The following SAP30L variants were observed in gnomAD, a reference collection of about 807,000 sequenced individuals.
The protein encoded by SAP30L is SAP30 like, also known as histone deacetylase complex subunit SAP30L.
Under a neutral mutation model 22.3 loss-of-function variants are expected in SAP30L, and 10 were observed. The ratio of observed to expected loss-of-function variants is 0.45; its 90% CI spans 0.28 to 0.76. The LOEUF (loss-of-function observed/expected upper bound fraction) is 0.76. SAP30L is among the 30% of genes least tolerant of loss of function. The pLI, the probability that SAP30L is intolerant of heterozygous loss-of-function variation, is 0.14. For synonymous variants in SAP30L, 91 were observed against 94.1 expected (o/e 0.97, Z 0.19); for missense variants, 206 against 237.9 (o/e 0.87, Z 0.88).
chr5:154,453,324 G>C (rs780661351), intron 2 of SAP30L, 78 bp from the exon 3 acceptor site: 3 of 971,976 alleles, frequency 3.1e-6, no homozygotes, highest in Non-Finnish European at 4.9e-6. Flanking sequence ...CCTTAGTGTA[G>C]TGCTAGGCAC....
intron 1 of SAP30L, among the ~76,000 whole-genome samples, chr5:154,447,195 A>AG (rs1229935249): frequency 6.6e-6 from 1 of 152,230 alleles, no homozygotes; most frequent in Non-Finnish European, 1.5e-5. Flanking sequence ...TCCTTCTAGG[A>AG]ACCCTGTTAT....
At chr5:154,448,460 A>G (rs151065960) in intron 1 of SAP30L, among the ~76,000 whole-genome samples, 3 of 152,382 alleles carry the variant, frequency 2.0e-5, no homozygotes, top group East Asian at 3.9e-4. Flanking sequence ...ACAAGGGTCT[A>G]GACACCAAGG....
intron 1 of SAP30L, among the ~76,000 whole-genome samples, chr5:154,449,324 T>TG (rs139406111): frequency 0.017 from 2,513 of 152,042 alleles, 86 homozygotes; most frequent in African/African-American, 0.057. Context: ...AGACATGTAC[T>TG]GGGGGGGCAG....
Position 154,446,698 on chromosome 5 carries a change from A to G in SAP30L, c.94A>G (p.Ile32Val), listed in dbSNP as rs767058254. 1.0e-5 allele frequency: 16 copies of G among 1,594,138 alleles called. No homozygotes were observed. The highest frequency in any genetic ancestry group is 2.2e-5 in the South Asian group (2 of 89,350). ...APGYGQSCCL[I>V]EDGERCVRPA... ...GGGCTACGGCCAGAGCTGCTGCCTC[A>G]TCGAGGACGGCGAGCGCTGCGTCCG... Residue 32 changes from isoleucine (I) to valine (V), a missense_variant, in exon 1 of 4, where the codon ATC becomes GTC. Ile to Val is a conservative substitution (Grantham distance 29, BLOSUM62 3). Transcript: ENST00000297109.
chr5:154,456,812 G>A lies in SAP30L; in HGVS notation c.*784G>A, dbSNP rs932702927. ...ATATAGAGACCCTCACAGAAGATAC[G>A]GTCCCTTATGCACCCCACTATGCTT... On this transcript the variant is annotated 3_prime_UTR_variant, in exon 4 of 4. Transcript: ENST00000297109. 4 of 152,202 alleles carry A rather than the reference G, an allele frequency of 2.6e-5. No homozygotes were observed. The highest frequency in any genetic ancestry group is 7.2e-5 in the African/African-American group (3 of 41,464). The allele number at this position is 152,202 out of a possible 1,614,324, so 9.4% of individuals were successfully genotyped here. A position where few individuals can be genotyped will look rare whatever the true frequency, so the allele number is the denominator to read the frequency against.
rs2113286852 is a variant in SAP30L at position 154,459,031 on chromosome 5, G to A, written c.*3003G>A. ...CAGCTGCAGTGTTGCATCTAATTTT[G>A]GTGTTTAGGCTTTTTATTTTGTGGG... On this transcript the variant is annotated 3_prime_UTR_variant, in exon 4 of 4. Transcript: ENST00000297109. 6.6e-6 allele frequency: 1 copy of A among 152,302 alleles called. No homozygotes were observed. Among genetic ancestry groups the A allele is most frequent in the Middle Eastern group, 3.4e-3 (1 of 294 alleles). The allele number at this position is 152,302 out of a possible 1,614,324, so 9.4% of individuals were successfully genotyped here.
At chr5:154,449,595 T>A (rs529476204) in intron 1 of SAP30L, among the ~76,000 whole-genome samples, 1 of 152,364 alleles carries the variant, frequency 6.6e-6, no homozygotes, top group Non-Finnish European at 1.5e-5. Context: ...CCAGTCTAGC[T>A]AACATGGAGG....
intron 2 of SAP30L, chr5:154,453,155 C>T (rs1757187366): frequency 9.6e-6 from 4 of 415,208 alleles, no homozygotes; most frequent in Middle Eastern, 6.5e-4. Context: ...CCCTGCTCCT[C>T]CTTAGCTTAA....
In SAP30L at chr5:154,451,091, G is replaced by T; in HGVS notation, c.202G>T (p.Val68Leu). The T allele has an allele frequency of 6.2e-7, 1 of 1,613,980 alleles. No individual in the cohort carries two copies. The highest frequency in any genetic ancestry group is 8.5e-7 in the Non-Finnish European group (1 of 1,179,970). ...TGACTTTGATTTTTGTCTCCATCAG[G>T]TAAGGCACCTATATATCTGTGATTT... is the stretch of plus-strand genomic sequence containing the variant. The part of the protein sequence containing the change: ...KKLKLDIDKS[V>L]RHLYICDFHK... The change falls in exon 2 of 4, where the codon GTA becomes TTA. Residue 68 changes from valine (V) to leucine (L), a missense_variant and splice_region_variant. Physicochemically the swap from Val to Leu is conservative, Grantham distance 32 (BLOSUM62 1). Transcript: ENST00000297109.
At position 154,457,046 on chromosome 5, in the gene SAP30L, CCTGGGCT is replaced by C. The variant is rs1757277807; in HGVS notation, c.*1023_*1029del. ...TTGAAAGTCTGGCTGGCCTTGACTC[CCTGGGCT>C]CTGGTCATCAGCAAATCATGAGTTT... On this transcript the variant is annotated 3_prime_UTR_variant, in exon 4 of 4. Coordinates refer to ENST00000297109, the MANE Select transcript of SAP30L (RefSeq NM_024632.6). 3 of 152,208 alleles carry C rather than the reference CCTGGGCT, an allele frequency of 2.0e-5. No homozygotes were observed. The allele number at this position is 152,208 out of a possible 1,614,324, so 9.4% of individuals were successfully genotyped here. A position where few individuals can be genotyped will look rare whatever the true frequency, so the allele number is the denominator to read the frequency against.
intron 1 of SAP30L, among the ~76,000 whole-genome samples, chr5:154,449,518 A>G (rs965569562): frequency 3.7e-4 from 57 of 152,206 alleles, no homozygotes; most frequent in Admixed American, 3.3e-4. Context: ...GAAGCCACCT[A>G]TTCTCCCTGT....
At chr5:154,448,384 G>A (rs1251842238) in intron 1 of SAP30L, among the ~76,000 whole-genome samples, 1 of 152,224 alleles carries the variant, frequency 6.6e-6, no homozygotes, top group Non-Finnish European at 1.5e-5. Flanking sequence ...GGTTGGGAGA[G>A]AGTTAATGGC....
At chr5:154,449,943 C>G (rs1023277030) in intron 1 of SAP30L, among the ~76,000 whole-genome samples, 2 of 152,196 alleles carry the variant, frequency 1.3e-5, no homozygotes, top group South Asian at 4.1e-4. Context: ...TGAAAGTGAT[C>G]ATTCATCTGA....
chr5:154,454,975 A>G (rs1368184334), intron 3 of SAP30L, among the ~76,000 whole-genome samples: 1 of 150,768 alleles, frequency 6.6e-6, no homozygotes, highest in African/African-American at 2.5e-5. Flanking sequence ...GCTGGAGTGC[A>G]TTGCTATGAT....
rs1757010916 is a variant in SAP30L, at chr5:154,446,563, A to G, written c.-42A>G. On this transcript the variant is annotated 5_prime_UTR_variant, in exon 1 of 4. Coordinates refer to ENST00000297109, the MANE Select transcript of SAP30L (RefSeq NM_024632.6). ...GGCAAGCGCGGCCGCGGAGTGGCCT[A>G]CCGGGGACCCTCCCCCAGAGGGACC... The G allele has an allele frequency of 2.9e-6, 4 of 1,396,604 alleles. No homozygotes were observed. Among genetic ancestry groups the G allele is most frequent in the Non-Finnish European group, 3.7e-6 (4 of 1,074,954 alleles). The allele number at this position is 1,396,604 out of a possible 1,614,324, so 86.5% of individuals were successfully genotyped here. A position where few individuals can be genotyped will look rare whatever the true frequency, so the allele number is the denominator to read the frequency against.
Position 154,456,292 on chromosome 5 carries a change from C to T in SAP30L, c.*264C>T. 1 of 260,998 alleles carries T rather than the reference C, an allele frequency of 3.8e-6. No individual in the cohort carries two copies. The highest frequency in any genetic ancestry group is 7.3e-6 in the Non-Finnish European group (1 of 137,030). 16.2% of individuals were successfully genotyped at this position (260,998 alleles called of 1,614,324 possible). A position where few individuals can be genotyped will look rare whatever the true frequency, so the allele number is the denominator to read the frequency against. ...CTATGTATTTCAGCATTCAACAAAG[C>T]ATTAAATCAATTCTACTGGAAATGT... On this transcript the variant is annotated 3_prime_UTR_variant, in exon 4 of 4. Coordinates refer to ENST00000297109, the MANE Select transcript of SAP30L (RefSeq NM_024632.6).
rs553289108 is a variant in SAP30L at position 154,458,885 on chromosome 5, G to A, written c.*2857G>A. On this transcript the variant is annotated 3_prime_UTR_variant, in exon 4 of 4. Coordinates refer to ENST00000297109, the MANE Select transcript of SAP30L (RefSeq NM_024632.6). ...ATTAAAAACCAAAGGATTCAAGACCGGTGTTGTAAAATGAAGAGGAATTTT... is the reference window on the plus strand; with the variant it reads ...ATTAAAAACCAAAGGATTCAAGACCAGTGTTGTAAAATGAAGAGGAATTTT... The A allele has an allele frequency of 3.3e-5, 5 of 152,264 alleles. No homozygotes were observed. The highest frequency in any genetic ancestry group is 7.2e-5 in the African/African-American group (3 of 41,558). 9.4% of individuals were successfully genotyped at this position (152,264 alleles called of 1,614,324 possible).
rs542470931 is a variant in SAP30L, at chr5:154,456,832, A to T, written c.*804A>T. On this transcript the variant is annotated 3_prime_UTR_variant, in exon 4 of 4. Coordinates refer to ENST00000297109, the MANE Select transcript of SAP30L (RefSeq NM_024632.6). ...GATACGGTCCCTTATGCACCCCACT[A>T]TGCTTCACTCTTTGGGGTGCAGTTA... 1 of 152,214 alleles carries T rather than the reference A, an allele frequency of 6.6e-6. No homozygotes were observed. The highest frequency in any genetic ancestry group is 2.4e-5 in the African/African-American group (1 of 41,454). 9.4% of individuals were successfully genotyped at this position (152,214 alleles called of 1,614,324 possible).
intron 2 of SAP30L, among the ~76,000 whole-genome samples, chr5:154,452,852 A>T (rs1757177211): frequency 6.6e-6 from 1 of 151,108 alleles, no homozygotes; most frequent in African/African-American, 2.4e-5. Flanking sequence ...CCCTTCTAGC[A>T]TCACTGCCCC....
Sources: gnomAD v4.1 joint callset for allele counts (sites outside exome capture counted in the v4.1 genomes callset) on GRCh38, gnomAD v4.1.1 for gene constraint, MANE v1.5 for transcripts, NCBI Gene and HGNC (gene_info 2026-07-23, HGNC 2026-07-21) for gene names.